FXR1: variants seen among roughly 807,000 people sequenced by gnomAD.
FXR1 encodes FMR1 autosomal homolog 1.
In FXR1, 15 loss-of-function variants were observed where a neutral mutation model predicts 84.0. The observed-to-expected ratio is 0.18, with a 90% CI of 0.12 to 0.27. The LOEUF is 0.27. FXR1 is among the 10% of genes least tolerant of loss of function. FXR1 has a pLI of 1.00. For synonymous variants in FXR1, 245 were observed against 250.7 expected (o/e 0.98, Z 0.21); for missense variants, 480 against 774.4 (o/e 0.62, Z 4.51).
chr3:180,959,339 G>GC (rs1711780325), intron 10 of FXR1, among the ~76,000 whole-genome samples: 1 of 148,906 alleles, frequency 6.7e-6, no homozygotes, highest in African/African-American at 2.5e-5. Context: ...TTTTTTATGA[G>GC]AATGTTTAGT....
intron 1 of FXR1, among the ~76,000 whole-genome samples, chr3:180,919,386 G>A (rs1718293582): frequency 6.7e-6 from 1 of 149,064 alleles, no homozygotes; most frequent in South Asian, 2.1e-4. Context: ...CTGGGTTCAC[G>A]TGATTCTCAT....
At chr3:180,948,270 C>A in intron 4 of FXR1, 77 bp from the exon 5 acceptor site, 1 of 1,052,514 alleles carries the variant, frequency 9.5e-7, no homozygotes, top group South Asian at 1.5e-5. Context: ...TTAAGCTGAG[C>A]AAGGTAATTA....
Position 180,948,016 on chromosome 3 carries a change from A to G in FXR1, c.270+80A>G, listed in dbSNP as rs951753094. Reference sequence around the variant, plus strand: ...CTTGGTTTTTGTAAATCTTATTTCAACTGTTAGTTTTATTTCTAAAAGCCT... The same window carrying G: ...CTTGGTTTTTGTAAATCTTATTTCAGCTGTTAGTTTTATTTCTAAAAGCCT... On this transcript the variant is annotated intron_variant, in intron 4 of 16. Coordinates refer to ENST00000357559, the MANE Select transcript of FXR1 (RefSeq NM_005087.4). 8 of 786,292 alleles carry G rather than the reference A, an allele frequency of 1.0e-5. No homozygotes were observed. In the African/African-American group the frequency reaches 1.0e-4, roughly 10 times the overall value. 48.7% of individuals were successfully genotyped at this position (786,292 alleles called of 1,614,324 possible).
chr3:180,961,595 C>T, intron 11 of FXR1, 41 bp downstream of exon 11: 1 of 878,922 alleles, frequency 1.1e-6, no homozygotes, highest in Non-Finnish European at 1.9e-6. Context: ...ATTGTTGCTG[C>T]ATTTACTACA....
chr3:180,935,360 A>G (rs1720403713), intron 3 of FXR1, 129 bp downstream of exon 3: 3 of 595,028 alleles, frequency 5.0e-6, no homozygotes, highest in Admixed American at 3.0e-5. Context: ...ATTGGTGGTA[A>G]TAGCTGTGTA....
intron 1 of FXR1, among the ~76,000 whole-genome samples, chr3:180,920,503 A>G (rs1184988647): frequency 8.6e-5 from 13 of 151,486 alleles, no homozygotes; most frequent in Admixed American, 8.5e-4. Flanking sequence ...CGAGAAAGTC[A>G]GAATAGTTTT....
intron 3 of FXR1, among the ~76,000 whole-genome samples, chr3:180,937,348 TTGG>T (rs1159940627): frequency 1.3e-5 from 2 of 152,078 alleles, no homozygotes; most frequent in African/African-American, 4.8e-5. Context: ...AAAACTACTC[TTGG>T]TGGGGTGGTG....
Position 180,977,687 on chromosome 3 carries a change from T to C in FXR1, c.*1395T>C, listed in dbSNP as rs894192908. On this transcript the variant is annotated 3_prime_UTR_variant, in exon 17 of 17. Transcript: ENST00000357559. ...TAGGGGAAGGCTTTGTTCCACAATA[T>C]TATATGGACCACTGAACAAGAATGA... is the stretch of plus-strand genomic sequence containing the variant. 1.3e-5 allele frequency: 2 copies of C among 152,122 alleles called. No homozygotes were observed. The highest frequency in any genetic ancestry group is 4.8e-5 in the African/African-American group (2 of 41,462). The allele number at this position is 152,122 out of a possible 1,614,324, so 9.4% of individuals were successfully genotyped here.
At position 180,953,705 on chromosome 3, in the gene FXR1, A is replaced by G. The variant is rs1722460354; in HGVS notation, c.802-57A>G. 18 of 808,546 alleles carry G rather than the reference A, an allele frequency of 2.2e-5. No individual in the cohort carries two copies. The South Asian group carries it at 2.3e-4, about 10-fold the overall frequency. 50.1% of individuals were successfully genotyped at this position (808,546 alleles called of 1,614,324 possible). On this transcript the variant is annotated intron_variant, in intron 8 of 16. Transcript: ENST00000357559. ...TTTTCTCATCTTCTTGTTTTGGATT[A>G]TGGGTTGCTCCGAGATTGAAACAGG...
At chr3:180,925,383 C>T (rs1213770826) in intron 1 of FXR1, among the ~76,000 whole-genome samples, 2 of 151,706 alleles carry the variant, frequency 1.3e-5, no homozygotes, top group African/African-American at 2.4e-5. Context: ...AAGTACATTC[C>T]TCTGTTGTCT....
At chr3:180,965,302 A>G (rs1712682402) in intron 13 of FXR1, among the ~76,000 whole-genome samples, 1 of 152,118 alleles carries the variant, frequency 6.6e-6, no homozygotes, top group African/African-American at 2.4e-5. Context: ...GGCGTGAGCC[A>G]CCAGCCTGGC....
intron 1 of FXR1, among the ~76,000 whole-genome samples, chr3:180,913,612 A>C (rs970372727): frequency 3.9e-5 from 6 of 152,174 alleles, no homozygotes; most frequent in African/African-American, 1.4e-4. Context: ...CGTAAGAGGA[A>C]TAGAGTAGAG....
intron 13 of FXR1, among the ~76,000 whole-genome samples, chr3:180,964,673 T>TTATATATATATATATATATATATA (rs10600370): frequency 7.9e-4 from 107 of 136,294 alleles, no homozygotes; most frequent in African/African-American, 2.5e-3. Context: ...TGTAGTTGAT[T>TTATATATATATATATATATATATA]TATATATATA....
chr3:180,954,776 T>C (rs1292158018), intron 9 of FXR1, among the ~76,000 whole-genome samples: 2 of 152,048 alleles, frequency 1.3e-5, no homozygotes, highest in Admixed American at 6.5e-5. Flanking sequence ...CGGCCTGTTC[T>C]GCCTTTAGGA....
intron 10 of FXR1, among the ~76,000 whole-genome samples, chr3:180,960,467 G>A (rs890311665): frequency 3.9e-5 from 6 of 152,038 alleles, no homozygotes; most frequent in Non-Finnish European, 5.9e-5. Flanking sequence ...AAGGAAAATC[G>A]TTGTTTTTTG....
At chr3:180,953,230 C>T (rs904629960) in intron 8 of FXR1, among the ~76,000 whole-genome samples, 1 of 152,180 alleles carries the variant, frequency 6.6e-6, no homozygotes, top group Non-Finnish European at 1.5e-5. Flanking sequence ...TCACTCCCAA[C>T]CCTCTAGTTG....
intron 10 of FXR1, among the ~76,000 whole-genome samples, chr3:180,959,961 A>G (rs1333338605): frequency 6.6e-6 from 1 of 152,206 alleles, no homozygotes; most frequent in Non-Finnish European, 1.5e-5. Context: ...TTAGAACAAA[A>G]AAATCCCTAA....
chr3:180,942,603 T>G (rs1277929643), intron 3 of FXR1, among the ~76,000 whole-genome samples: 1 of 152,158 alleles, frequency 6.6e-6, no homozygotes, highest in African/African-American at 2.4e-5. Context: ...TATTTCATCC[T>G]GTACTCCATA....
intron 9 of FXR1, among the ~76,000 whole-genome samples, chr3:180,954,468 T>C (rs2108473304): frequency 6.6e-6 from 1 of 152,344 alleles, no homozygotes; most frequent in East Asian, 1.9e-4. Context: ...GAAGCTATGG[T>C]TAAATGAGCA....
Sources: allele counts gnomAD v4.1 joint callset (sites outside exome capture counted in the v4.1 genomes callset), GRCh38; gene constraint gnomAD v4.1.1; transcripts MANE v1.5; gene names NCBI Gene and HGNC (gene_info 2026-07-23, HGNC 2026-07-21).